The following CDH23 variants were observed in gnomAD, a reference collection of about 807,000 sequenced individuals.
The protein encoded by CDH23 is cadherin related 23, also known as cadherin-23.
In CDH23, 189 loss-of-function variants were observed where a neutral mutation model predicts 317.1. That is an observed-to-expected ratio of 0.60 (90% confidence interval 0.53 to 0.67). The LOEUF is 0.67. CDH23 is among the 30% of genes least tolerant of loss of function. CDH23 has a pLI of 0.00. For synonymous variants in CDH23, 1,839 were observed against 1,876.8 expected, an observed-to-expected ratio of 0.98 and a Z score of 0.52; for missense variants, 4,401 against 4,592.4, an observed-to-expected ratio of 0.96 and a Z score of 1.20.
intron 38 of CDH23, among the ~76,000 whole-genome samples, chr10:71,773,110 A>G (rs556608119): frequency 1.6e-4 from 25 of 152,270 alleles, no homozygotes; most frequent in Non-Finnish European, 1.3e-4. Context: ...CCCTCAGGGG[A>G]CAGCCCTGCC....
In CDH23 at chr10:71,751,716, T is replaced by A. The variant is rs762570652; in HGVS notation, c.4845+9795T>A. 6.4e-7 allele frequency: 1 copy of A among 1,573,328 alleles called. No homozygotes were observed. On this transcript the variant is annotated intron_variant, in intron 38 of 69. Coordinates refer to ENST00000224721, the MANE Select transcript of CDH23 (RefSeq NM_022124.6). This position sits in a 1 kb window ranked among gnomAD's most constrained non-coding sequence, Gnocchi z 4.9. Reference sequence around the variant, plus strand: ...CCGGGGCCTGGAGGAGACAGGGGGGTGCTGGGCTCCGAAAGCAGATGCCGC... The same window carrying A: ...CCGGGGCCTGGAGGAGACAGGGGGGAGCTGGGCTCCGAAAGCAGATGCCGC...
intron 38 of CDH23, among the ~76,000 whole-genome samples, chr10:71,770,402 T>C (rs1840659487): frequency 1.3e-5 from 2 of 152,140 alleles, no homozygotes; most frequent in Admixed American, 6.5e-5. Flanking sequence ...TAGGTCTGAG[T>C]GACTCACAAA....
Position 71,510,186 on chromosome 10 carries a change from A to C in CDH23, c.250A>C (p.Thr84Pro). 6.2e-7 allele frequency: 1 copy of C among 1,613,882 alleles called. No individual in the cohort carries two copies. Among genetic ancestry groups the C allele is most frequent in the Non-Finnish European group, 8.5e-7 (1 of 1,179,864 alleles). Reference protein sequence around the residue: ...ASRFFAVEPDTGVVWLRQPLD... With the variant: ...ASRFFAVEPDPGVVWLRQPLD... ...TCGCTTCTTTGCAGTGGAGCCTGAC[A>C]CTGGCGTGGTGTGGCTCCGGCAGCC... is the stretch of plus-strand genomic sequence containing the variant. Residue 84 changes from threonine to proline, a missense_variant, in exon 4 of 70, where the codon ACT (threonine) becomes CCT (proline). Coordinates refer to ENST00000224721, the MANE Select transcript of CDH23 (RefSeq NM_022124.6).
At chr10:71,558,327 T>A (rs964079049) in intron 6 of CDH23, among the ~76,000 whole-genome samples, 9 of 152,214 alleles carry the variant, frequency 5.9e-5, no homozygotes, top group Non-Finnish European at 1.3e-4. Context: ...GGAATTCCTA[T>A]TAGTTGGAAT....
intron 14 of CDH23, among the ~76,000 whole-genome samples, chr10:71,664,969 C>T (rs1376602716): frequency 6.6e-6 from 1 of 152,104 alleles, no homozygotes. Flanking sequence ...AGTCCATCTA[C>T]TCAGGATTAA....
chr10:71,705,201 G>A, intron 25 of CDH23, 71 bp downstream of exon 25: 1 of 1,415,652 alleles, frequency 7.1e-7, no homozygotes, highest in Non-Finnish European at 9.6e-7. Context: ...GGCAGGGGTA[G>A]AGGGGAGCCC....
At chr10:71,519,494 G>A (rs1219953544) in intron 6 of CDH23, among the ~76,000 whole-genome samples, 1 of 152,240 alleles carries the variant, frequency 6.6e-6, no homozygotes, top group African/African-American at 2.4e-5. Context: ...GGTCTAGAAA[G>A]GCCCCACCTA....
At chr10:71,549,877 G>A (rs1231788394) in intron 6 of CDH23, among the ~76,000 whole-genome samples, 2 of 152,170 alleles carry the variant, frequency 1.3e-5, no homozygotes, top group East Asian at 1.9e-4. Context: ...GGGCGGGGTC[G>A]GGGAGGTTCC....
At chr10:71,659,960 GTTTTTTT>G (rs5786047) in intron 14 of CDH23, among the ~76,000 whole-genome samples, 1 of 119,530 alleles carries the variant, frequency 8.4e-6, no homozygotes, top group Non-Finnish European at 1.7e-5. Context: ...CTTTCTTTCC[GTTTTTTT>G]TTTTTTTTTT....
intron 6 of CDH23, among the ~76,000 whole-genome samples, chr10:71,524,685 G>A (rs1407304717): frequency 6.6e-6 from 1 of 152,116 alleles, no homozygotes; most frequent in Non-Finnish European, 1.5e-5. Flanking sequence ...TAATCACCAG[G>A]GTCCTTATAA....
At position 71,615,489 on chromosome 10, in the gene CDH23, T is replaced by C. The variant is rs370397444; in HGVS notation, c.833-15T>C. ...CCTGTGCCTGGTCACACCTGAATGC[T>C]TCTCTCTCTTGCAGGGAATACCAAC... On this transcript the variant is annotated splice_polypyrimidine_tract_variant and intron_variant, in intron 9 of 69. Coordinates refer to ENST00000224721, the MANE Select transcript of CDH23 (RefSeq NM_022124.6). 2.6e-6 allele frequency: 4 copies of C among 1,518,424 alleles called. No homozygotes were observed. In the African/African-American group the frequency reaches 5.6e-5, roughly 21 times the overall value. The allele number at this position is 1,518,424 out of a possible 1,614,324, so 94.1% of individuals were successfully genotyped here.
chr10:71,411,666 C>T (rs1848349374), intron 1 of CDH23, among the ~76,000 whole-genome samples: 1 of 151,880 alleles, frequency 6.6e-6, no homozygotes, highest in Non-Finnish European at 1.5e-5. Context: ...AATAAGCATA[C>T]TTACTTCAAT....
intron 9 of CDH23, among the ~76,000 whole-genome samples, chr10:71,609,615 C>G (rs1251534822): frequency 6.6e-6 from 1 of 152,236 alleles, no homozygotes; most frequent in African/African-American, 2.4e-5. Flanking sequence ...ACTCTGGGCA[C>G]CCGGCACTAG....
chr10:71,689,868 G>A (rs1422831678), intron 19 of CDH23, among the ~76,000 whole-genome samples: 1 of 152,184 alleles, frequency 6.6e-6, no homozygotes, highest in Non-Finnish European at 1.5e-5. Context: ...CAGTTGGGTG[G>A]CAGGAGGGGC....
At position 71,791,229 on chromosome 10, in the gene CDH23, C is replaced by A; in HGVS notation, c.6147C>A (p.Leu2049=). Reference sequence around the variant, plus strand: ...TGCTGGCTGAGGACATCGGGCTGCTCAACAGCACGGCCCACCTGCTCATCA... The same window carrying A: ...TGCTGGCTGAGGACATCGGGCTGCTAAACAGCACGGCCCACCTGCTCATCA... The part of the protein sequence containing the change: ...LLLLAEDIGL[L]NSTAHLLITI... The change falls in exon 47 of 70, where the codon CTC becomes CTA. Residue 2049 remains leucine, a synonymous_variant. Transcript: ENST00000224721. The A allele has an allele frequency of 6.2e-7, 1 of 1,613,760 alleles. No individual in the cohort carries two copies. The highest frequency in any genetic ancestry group is 8.5e-7 in the Non-Finnish European group (1 of 1,179,776).
chr10:71,522,557 C>T (rs1484365881), intron 6 of CDH23, among the ~76,000 whole-genome samples: 1 of 152,194 alleles, frequency 6.6e-6, no homozygotes, highest in Non-Finnish European at 1.5e-5. Flanking sequence ...GGGAAGCTTA[C>T]TGTCTCTGAT....
intron 17 of CDH23, among the ~76,000 whole-genome samples, chr10:71,680,810 C>CTTTTTTTTTTTTTTTTTTTT (rs562449159): frequency 3.0e-5 from 3 of 100,556 alleles, no homozygotes; most frequent in Non-Finnish European, 5.5e-5. Flanking sequence ...CTCTGTCTTT[C>CTTTTTTTTTTTTTTTTTTTT]TTTTTTTTTT....
intron 17 of CDH23, 137 bp downstream of exon 17, chr10:71,679,629 G>C: frequency 1.4e-6 from 1 of 704,266 alleles, no homozygotes; most frequent in South Asian, 1.7e-5. Flanking sequence ...GCTGCCCGGA[G>C]CACCTGGGGT....
At chr10:71,569,025 G>A (rs188282913) in intron 7 of CDH23, among the ~76,000 whole-genome samples, 140 of 152,328 alleles carry the variant, frequency 9.2e-4, no homozygotes, top group African/African-American at 3.1e-3. Flanking sequence ...CAAGAGGTCA[G>A]GGGACTTGTT....
Sources: allele counts gnomAD v4.1 joint callset (sites outside exome capture counted in the v4.1 genomes callset), GRCh38; gene constraint gnomAD v4.1.1; non-coding constraint Gnocchi (gnomAD v3.1); transcripts MANE v1.5; gene names NCBI Gene and HGNC (gene_info 2026-07-23, HGNC 2026-07-21).